LRRK1: variants seen among roughly 807,000 people sequenced by gnomAD.
LRRK1 encodes leucine rich repeat kinase 1, also known as leucine-rich repeat serine/threonine-protein kinase 1.
LRRK1 carries 113 observed loss-of-function variants against 209.1 expected under a neutral mutation model. The observed-to-expected ratio is 0.54, with a 90% CI of 0.46 to 0.63. LRRK1 has a LOEUF of 0.63. Among genes scored for constraint, LRRK1 ranks in the 30% least tolerant of loss-of-function variants. The pLI is 0.00. For synonymous variants in LRRK1, 1,144 were observed against 1,099.7 expected, an observed-to-expected ratio of 1.04 and a Z score of -0.80; for missense variants, 2,284 against 2,632.2, an observed-to-expected ratio of 0.87 and a Z score of 2.89.
chr15:101,026,669 G>C (rs953544679), intron 17 of LRRK1, among the ~76,000 whole-genome samples: 2 of 152,258 alleles, frequency 1.3e-5, no homozygotes, highest in Non-Finnish European at 2.9e-5. Context: ...CCTGCAGGTT[G>C]TGGGGATTGT....
intron 11 of LRRK1, among the ~76,000 whole-genome samples, 173 bp from the exon 12 acceptor site, chr15:101,015,153 G>A (rs1199185794): frequency 6.6e-6 from 1 of 152,206 alleles, no homozygotes; most frequent in African/African-American, 2.4e-5. Context: ...CTGCGGGGAG[G>A]GGTGGGGGCA....
At chr15:101,001,296 G>C (rs189405593) in intron 6 of LRRK1, among the ~76,000 whole-genome samples, 8 of 152,084 alleles carry the variant, frequency 5.3e-5, no homozygotes, top group African/African-American at 1.9e-4. Context: ...TGTGGGCGTC[G>C]GTGCACAGAC....
chr15:100,976,540 A>C (rs1031780503), intron 3 of LRRK1, among the ~76,000 whole-genome samples: 2 of 152,254 alleles, frequency 1.3e-5, no homozygotes, highest in African/African-American at 4.8e-5. Context: ...AAGGAAGGCT[A>C]TGGGAACTTA....
At chr15:101,011,127 G>A (rs2033217452) in intron 9 of LRRK1, among the ~76,000 whole-genome samples, 1 of 151,970 alleles carries the variant, frequency 6.6e-6, no homozygotes. Flanking sequence ...GACGACTCAT[G>A]CCTGAAAAAA....
rs774033253 is a variant in LRRK1, at chr15:101,024,853, G to A, written c.2118G>A (p.Met706Ile). 6.2e-7 allele frequency: 1 copy of A among 1,614,154 alleles called. No individual in the cohort carries two copies. The highest frequency in any genetic ancestry group is 2.2e-5 in the East Asian group (1 of 44,878). The change falls in exon 16 of 34, where the codon ATG (methionine) becomes ATA (isoleucine). Residue 706 changes from methionine (M) to isoleucine (I), a missense_variant. Around this residue, in one of 6 missense-constraint regions of LRRK1, gnomAD observed 780 missense variants for 985.2 expected, o/e 0.79. Transcript: ENST00000388948. This position sits in a 1 kb window ranked among gnomAD's most constrained non-coding sequence, Gnocchi z 4.6. Reference sequence around the variant, plus strand: ...GGGACATCGGGGGACCGGCCAGCATGGCCACTGTCAACCAGTGCTTCTTCA... The same window carrying A: ...GGGACATCGGGGGACCGGCCAGCATAGCCACTGTCAACCAGTGCTTCTTCA... ...NVWDIGGPAS[M>I]ATVNQCFFTD... is the part of the protein sequence containing the mutation.
At chr15:100,972,621 A>C (rs2030994110) in intron 2 of LRRK1, among the ~76,000 whole-genome samples, 1 of 152,112 alleles carries the variant, frequency 6.6e-6, no homozygotes, top group African/African-American at 2.4e-5. Flanking sequence ...CATTTTTAGT[A>C]GTCGGACTTG....
Position 101,069,332 on chromosome 15 carries a change from A to T in LRRK1, c.*484A>T, listed in dbSNP as rs529285875. On this transcript the variant is annotated 3_prime_UTR_variant, in exon 34 of 34. Transcript: ENST00000388948. Reference sequence around the variant, plus strand: ...GCCAGAGACCTCAGGCTCTCAGCACATTCCACAGGCTCCTGAGTCCCCGAG... The same window carrying T: ...GCCAGAGACCTCAGGCTCTCAGCACTTTCCACAGGCTCCTGAGTCCCCGAG... 1 of 153,224 alleles carries T rather than the reference A, an allele frequency of 6.5e-6. No homozygotes were observed. Among genetic ancestry groups the T allele is most frequent in the South Asian group, 2.1e-4 (1 of 4,856 alleles). 9.5% of individuals were successfully genotyped at this position (153,224 alleles called of 1,614,324 possible).
chr15:100,998,753 TG>T (rs1381229554), intron 6 of LRRK1, among the ~76,000 whole-genome samples: 2 of 151,038 alleles, frequency 1.3e-5, no homozygotes, highest in African/African-American at 4.9e-5. Flanking sequence ...GATAGAAGGA[TG>T]GATAGATAGA....
chr15:100,956,455 C>CTTTTTCTTTTCTTTTCTTTTTTTTTTTT, intron 2 of LRRK1, among the ~76,000 whole-genome samples: 43 of 60,534 alleles, frequency 7.1e-4, no homozygotes, highest in East Asian at 2.8e-3. Flanking sequence ...TTTTTTTTTT[C>CTTTTTCTTTTCTTTTCTTTTTTTTTTTT]TTTTTTTTTT....
At chr15:101,041,779 C>T (rs1294596480) in intron 20 of LRRK1, among the ~76,000 whole-genome samples, 3 of 152,198 alleles carry the variant, frequency 2.0e-5, no homozygotes, top group Non-Finnish European at 2.9e-5. Context: ...TTGAGCCCTA[C>T]ATATACTATG....
At chr15:101,063,641 T>A (rs907154989) in intron 31 of LRRK1, among the ~76,000 whole-genome samples, 2 of 151,202 alleles carry the variant, frequency 1.3e-5, no homozygotes, top group Non-Finnish European at 3.0e-5. Flanking sequence ...AATGTGACTG[T>A]CATCATCCAA....
rs769383028 is a variant in LRRK1, at chr15:101,065,999, G to T, written c.5562G>T (p.Arg1854Ser). Residue 1854 changes from arginine to serine, a missense_variant, in exon 32 of 34, where the codon AGG becomes AGT. By Grantham distance (110) the Arg-to-Ser change is moderately radical. Transcript: ENST00000388948. ...YSSSPPRQAA[R>S]SPSSLPSSPA... ...CATCCCCACCCCGCCAGGCTGCCAG[G>T]TCCCCCTCAAGCCTCCCCAGCTCCC... 3.7e-6 allele frequency: 6 copies of T among 1,614,056 alleles called. No homozygotes were observed. The South Asian group carries it at 6.6e-5, about 18-fold the overall frequency.
chr15:100,954,209 C>T (rs543497765), intron 2 of LRRK1, among the ~76,000 whole-genome samples: 6 of 152,254 alleles, frequency 3.9e-5, no homozygotes, highest in South Asian at 2.1e-4. Context: ...TCACCGTGCC[C>T]GGCCTAACTC....
intron 2 of LRRK1, among the ~76,000 whole-genome samples, chr15:100,940,504 A>G (rs1301717918): frequency 6.6e-6 from 1 of 152,030 alleles, no homozygotes; most frequent in Non-Finnish European, 1.5e-5. Context: ...GGTCTTCCAG[A>G]TTCCTGATTT....
In LRRK1 at chr15:101,024,648, GT is replaced by G. The variant is rs1414531283; in HGVS notation, c.2068-152del. 6.6e-6 allele frequency among the ~76,000 whole-genome samples: 1 copy of G among 152,220 alleles called. No homozygotes were observed. The highest frequency in any genetic ancestry group is 2.4e-5 in the African/African-American group (1 of 41,462). ...GCCCCTGTCCCTCGCCCAGATAACT[GT>G]TTCCTAAGAAACAATAGAGTGTCCA... On this transcript the variant is annotated intron_variant, in intron 15 of 33. Coordinates refer to ENST00000388948, the MANE Select transcript of LRRK1 (RefSeq NM_024652.6). The surrounding 1 kb of genome is among the most constrained non-coding windows in gnomAD (Gnocchi z 4.6).
chr15:101,011,790 T>TC (rs1383208383), intron 9 of LRRK1, among the ~76,000 whole-genome samples: 1 of 151,826 alleles, frequency 6.6e-6, no homozygotes, highest in Non-Finnish European at 1.5e-5. Context: ...GACCATGAGC[T>TC]CCCCCAGGAA....
At chr15:100,941,458 ATGTCTCTG>A (rs1185296291) in intron 2 of LRRK1, among the ~76,000 whole-genome samples, 37 of 45,872 alleles carry the variant, frequency 8.1e-4, no homozygotes, top group African/African-American at 3.1e-3. Context: ...GTGTGTGTCT[ATGTCTCTG>A]TGTGTGTGTG....
Position 100,919,476 on chromosome 15 carries a change from C to A in LRRK1, c.-123+25C>A. The stretch of plus-strand genomic sequence containing the variant: ...GGTAAGCGCCGCTCCTGCCGGCGCC[C>A]CCCGGCGGCCTGGCTGCCTCCCGGC... On this transcript the variant is annotated intron_variant, in intron 1 of 33. Transcript: ENST00000388948. This position sits in a 1 kb window ranked among gnomAD's most constrained non-coding sequence, Gnocchi z 5.8. The A allele has an allele frequency of 6.8e-6, 1 of 147,944 alleles. No homozygotes were observed. Among genetic ancestry groups the A allele is most frequent in the South Asian group, 1.8e-4 (1 of 5,466 alleles). 9.2% of individuals were successfully genotyped at this position (147,944 alleles called of 1,614,324 possible). A position where few individuals can be genotyped will look rare whatever the true frequency, so the allele number is the denominator to read the frequency against.
At chr15:100,941,725 C>T (rs996568471) in intron 2 of LRRK1, among the ~76,000 whole-genome samples, 14 of 152,318 alleles carry the variant, frequency 9.2e-5, no homozygotes, top group Admixed American at 9.1e-4. Context: ...AGCAGGCTGC[C>T]TTGGGGACAT....
Sources: allele counts gnomAD v4.1 joint callset (sites outside exome capture counted in the v4.1 genomes callset), GRCh38; gene constraint gnomAD v4.1.1; regional missense constraint gnomAD v4.1.1; non-coding constraint Gnocchi (gnomAD v3.1); transcripts MANE v1.5; gene names NCBI Gene and HGNC (gene_info 2026-07-23, HGNC 2026-07-21).